The following ZDHHC14 variants were observed in gnomAD, a reference collection of about 807,000 sequenced individuals.
ZDHHC14 encodes the protein zDHHC palmitoyltransferase 14, also known as palmitoyltransferase ZDHHC14.
In ZDHHC14, 16 loss-of-function variants were observed where a neutral mutation model predicts 47.7. The observed-to-expected ratio is 0.34, with a 90% CI of 0.23 to 0.51. The LOEUF is 0.51. Ranked by LOEUF, ZDHHC14 falls within the 20% of genes least tolerant of loss-of-function variation. The pLI, the probability that ZDHHC14 is intolerant of heterozygous loss-of-function variation, is 0.97. For missense variants in ZDHHC14, 515 were observed against 662.5 expected (o/e 0.78, Z 2.44); for synonymous variants, 293 against 278.9 (o/e 1.05, Z -0.50).
chr6:157,498,233 T>C (rs571387762), intron 1 of ZDHHC14, among the ~76,000 whole-genome samples: 1 of 148,394 alleles, frequency 6.7e-6, no homozygotes, highest in Non-Finnish European at 1.5e-5. Context: ...GGCCAGGAGT[T>C]CGAGACCAGC....
intron 8 of ZDHHC14, among the ~76,000 whole-genome samples, chr6:157,666,146 G>A (rs181280343): frequency 1.3e-5 from 2 of 152,304 alleles, no homozygotes; most frequent in East Asian, 1.9e-4. Flanking sequence ...TTTAACTTTT[G>A]TATAGCATTG....
At position 157,677,096 on chromosome 6, in the gene ZDHHC14, A is replaced by G. The variant is rs1304677863; in HGVS notation, c.*3974A>G. 6.6e-6 allele frequency: 1 copy of G among 152,192 alleles called. No individual in the cohort carries two copies. The highest frequency in any genetic ancestry group is 6.5e-5 in the Admixed American group (1 of 15,272). The allele number at this position is 152,192 out of a possible 1,614,324, so 9.4% of individuals were successfully genotyped here. A position where few individuals can be genotyped will look rare whatever the true frequency, so the allele number is the denominator to read the frequency against. ...CAAATTGATGTTTACATTTTCTATCAAGTACACATGAGCTGTGGGAGTCTA... is the reference window on the plus strand; with the variant it reads ...CAAATTGATGTTTACATTTTCTATCGAGTACACATGAGCTGTGGGAGTCTA... On this transcript the variant is annotated 3_prime_UTR_variant, in exon 9 of 9. Coordinates refer to ENST00000359775, the MANE Select transcript of ZDHHC14 (RefSeq NM_024630.3).
At chr6:157,556,678 A>G (rs956745307) in intron 2 of ZDHHC14, among the ~76,000 whole-genome samples, 1 of 152,098 alleles carries the variant, frequency 6.6e-6, no homozygotes, top group African/African-American at 2.4e-5. Context: ...CAAGAAAGCC[A>G]GAGATGGAGT....
chr6:157,518,269 G>C (rs1479477525), intron 1 of ZDHHC14, among the ~76,000 whole-genome samples: 3 of 151,974 alleles, frequency 2.0e-5, no homozygotes, highest in Admixed American at 2.0e-4. Context: ...TGATGGACCT[G>C]CCATTAGGTA....
intron 1 of ZDHHC14, among the ~76,000 whole-genome samples, chr6:157,512,959 A>T (rs1375889012): frequency 6.6e-6 from 1 of 152,236 alleles, no homozygotes; most frequent in African/African-American, 2.4e-5. Flanking sequence ...ACAACAGTTC[A>T]AAAGAACCCA....
At chr6:157,388,698 T>G (rs1305190430) in intron 1 of ZDHHC14, among the ~76,000 whole-genome samples, 1 of 152,228 alleles carries the variant, frequency 6.6e-6, no homozygotes, top group Non-Finnish European at 1.5e-5. Flanking sequence ...CTGGATGATC[T>G]TCTACCTCCC....
At chr6:157,613,144 A>G (rs184296184) in intron 3 of ZDHHC14, among the ~76,000 whole-genome samples, 2 of 152,340 alleles carry the variant, frequency 1.3e-5, no homozygotes, top group African/African-American at 4.8e-5. Flanking sequence ...CTACACGTGT[A>G]TTTATCTACT....
intron 3 of ZDHHC14, among the ~76,000 whole-genome samples, chr6:157,625,346 G>C (rs776372740): frequency 3.3e-5 from 5 of 152,076 alleles, no homozygotes; most frequent in Admixed American, 6.5e-5. Flanking sequence ...GTTTGGGGAG[G>C]GAGGACAGGA....
chr6:157,484,145 G>A (rs2114718875), intron 1 of ZDHHC14, among the ~76,000 whole-genome samples: 1 of 151,702 alleles, frequency 6.6e-6, no homozygotes, highest in African/African-American at 2.4e-5. Context: ...CCTTCTTGAG[G>A]GTAGGGGGTG....
intron 3 of ZDHHC14, among the ~76,000 whole-genome samples, chr6:157,602,764 G>C (rs139932912): frequency 6.6e-6 from 1 of 152,312 alleles, no homozygotes; most frequent in African/African-American, 2.4e-5. Flanking sequence ...CCATGAGGAT[G>C]CTTCCTCTGA....
chr6:157,487,392 TCTA>T (rs1319117002), intron 1 of ZDHHC14, among the ~76,000 whole-genome samples: 1 of 152,182 alleles, frequency 6.6e-6, no homozygotes, highest in Admixed American at 6.5e-5. Flanking sequence ...TGGTCTTCTG[TCTA>T]CTATTTCTTT....
intron 1 of ZDHHC14, among the ~76,000 whole-genome samples, chr6:157,444,809 G>A (rs370020198): frequency 6.6e-6 from 1 of 152,254 alleles, no homozygotes; most frequent in East Asian, 1.9e-4. Context: ...ACTGAGGGCC[G>A]AGTGGAGGGG....
At chr6:157,593,167 G>T in intron 3 of ZDHHC14, 21 bp downstream of exon 3, 1 of 1,596,144 alleles carries the variant, frequency 6.3e-7, no homozygotes, top group Non-Finnish European at 8.5e-7. Context: ...CCTGGGCGGA[G>T]CCTGGCGGGA....
At chr6:157,488,924 T>A (rs1327524306) in intron 1 of ZDHHC14, among the ~76,000 whole-genome samples, 1 of 152,214 alleles carries the variant, frequency 6.6e-6, no homozygotes, top group African/African-American at 2.4e-5. Context: ...CCATTTAATT[T>A]CCATAGATTA....
intron 6 of ZDHHC14, chr6:157,646,514 G>C (rs1036371864): frequency 2.0e-5 from 3 of 151,508 alleles, no homozygotes; most frequent in African/African-American, 7.3e-5. Context: ...TCAGGAGGCT[G>C]AGACCAGAGA....
chr6:157,443,455 T>C (rs1778598884), intron 1 of ZDHHC14, among the ~76,000 whole-genome samples: 1 of 152,222 alleles, frequency 6.6e-6, no homozygotes, highest in African/African-American at 2.4e-5. Context: ...GCTCTGCGGC[T>C]ATCCCTTGAC....
chr6:157,570,625 C>T (rs1265980432), intron 2 of ZDHHC14, among the ~76,000 whole-genome samples: 7 of 152,200 alleles, frequency 4.6e-5, no homozygotes, highest in African/African-American at 1.4e-4. Context: ...ATAAGGTAGT[C>T]ATTAATTTTC....
chr6:157,651,994 A>C (rs993564432), intron 7 of ZDHHC14, among the ~76,000 whole-genome samples: 1 of 152,168 alleles, frequency 6.6e-6, no homozygotes, highest in African/African-American at 2.4e-5. Flanking sequence ...CCCTTCTCCA[A>C]GACAGCCTTC....
At chr6:157,576,237 C>T (rs1028941937) in intron 2 of ZDHHC14, among the ~76,000 whole-genome samples, 1 of 152,196 alleles carries the variant, frequency 6.6e-6, no homozygotes, top group Non-Finnish European at 1.5e-5. Context: ...TCTTCCTGTG[C>T]ATATCTGTAT....
Sources: gnomAD v4.1 joint callset for allele counts (sites outside exome capture counted in the v4.1 genomes callset) on GRCh38, gnomAD v4.1.1 for gene constraint, MANE v1.5 for transcripts, NCBI Gene and HGNC (gene_info 2026-07-23, HGNC 2026-07-21) for gene names.